Variants in TRAPPC10 observed in about 807,000 individuals in gnomAD.
TRAPPC10 encodes the protein trafficking protein particle complex subunit 10, also known as TRAPP 130 kDa subunit.
In TRAPPC10, 23 loss-of-function variants were observed where a neutral mutation model predicts 125.5. That is an observed-to-expected ratio of 0.18 (90% confidence interval 0.13 to 0.26). TRAPPC10 has a LOEUF of 0.26. Among genes scored for constraint, TRAPPC10 ranks in the 10% least tolerant of loss-of-function variants. TRAPPC10 has a pLI of 1.00. For synonymous variants in TRAPPC10, 509 were observed against 518.0 expected, an observed-to-expected ratio of 0.98 and a Z score of 0.24; for missense variants, 1,123 against 1,308.4, an observed-to-expected ratio of 0.86 and a Z score of 2.19.
At chr21:44,077,624 GT>G in intron 10 of TRAPPC10, 68 bp from the exon 11 acceptor site, 1 of 1,193,066 alleles carries the variant, frequency 8.4e-7, no homozygotes, top group South Asian at 1.3e-5. Context: ...TGAGCTTTAG[GT>G]GAATAAATGT....
At position 44,059,504 on chromosome 21, in the gene TRAPPC10, G is replaced by T; in HGVS notation, c.790+290G>T. ...TTCCACAACTCAGTGGCCTGCTGGT[G>T]ATGCTTCGATTCTGTCCCTCGTTAG... On this transcript the variant is annotated intron_variant, in intron 6 of 22. Coordinates refer to ENST00000291574, the MANE Select transcript of TRAPPC10 (RefSeq NM_003274.5). The surrounding 1 kb of genome is among the most constrained non-coding windows in gnomAD (Gnocchi z 4.4). 2.6e-6 allele frequency: 2 copies of T among 756,772 alleles called. No homozygotes were observed. The highest frequency in any genetic ancestry group is 1.8e-5 in the Admixed American group (1 of 56,144). 46.9% of individuals were successfully genotyped at this position (756,772 alleles called of 1,614,324 possible). A position where few individuals can be genotyped will look rare whatever the true frequency, so the allele number is the denominator to read the frequency against.
Position 44,077,685 on chromosome 21 carries a change from C to T in TRAPPC10, c.1378-8C>T, listed in dbSNP as rs774644848. The T allele has an allele frequency of 6.9e-6, 11 of 1,590,166 alleles. No individual in the cohort carries two copies. Among genetic ancestry groups the T allele is most frequent in the South Asian group, 6.8e-5 (6 of 87,946 alleles). On this transcript the variant is annotated splice_polypyrimidine_tract_variant and splice_region_variant and intron_variant, in intron 10 of 22. Coordinates refer to ENST00000291574, the MANE Select transcript of TRAPPC10 (RefSeq NM_003274.5). ...CAAGTACATAATTGTGTTTTTACTT[C>T]CCCACAGGATTTGTCCCATGCCACC... is the stretch of plus-strand genomic sequence containing the variant.
At chr21:44,014,066 T>C (rs1216536017) in intron 1 of TRAPPC10, among the ~76,000 whole-genome samples, 1 of 152,218 alleles carries the variant, frequency 6.6e-6, no homozygotes, top group Non-Finnish European at 1.5e-5. Context: ...TGGATACACA[T>C]TCATTGCCTG....
chr21:44,025,309 G>A (rs567158346), intron 1 of TRAPPC10, among the ~76,000 whole-genome samples: 1 of 152,312 alleles, frequency 6.6e-6, no homozygotes, highest in South Asian at 2.1e-4. Context: ...GGAAGTCTGG[G>A]GAAAGACCAG....
intron 3 of TRAPPC10, among the ~76,000 whole-genome samples, chr21:44,043,724 C>T (rs1416883037): frequency 6.6e-6 from 1 of 152,122 alleles, no homozygotes; most frequent in Non-Finnish European, 1.5e-5. Context: ...CTGGGTGGGC[C>T]TCTGACTGTG....
intron 3 of TRAPPC10, among the ~76,000 whole-genome samples, chr21:44,044,807 G>A (rs904813163): frequency 1.1e-4 from 16 of 151,844 alleles, no homozygotes; most frequent in African/African-American, 3.6e-4. Flanking sequence ...GAGATTACAG[G>A]CGTCTGCCAC....
chr21:44,048,133 A>G (rs753083167), intron 3 of TRAPPC10, among the ~76,000 whole-genome samples: 2 of 152,146 alleles, frequency 1.3e-5, no homozygotes, highest in Admixed American at 6.6e-5. Context: ...TGTTCCAGCA[A>G]TGGGTGGTTC....
intron 1 of TRAPPC10, among the ~76,000 whole-genome samples, chr21:44,020,574 C>T (rs527919436): frequency 6.6e-6 from 1 of 151,804 alleles, no homozygotes; most frequent in Non-Finnish European, 1.5e-5. Flanking sequence ...TTTGAGGCTG[C>T]GGTGAGCCAT....
chr21:44,053,106 T>C (rs919450386), intron 4 of TRAPPC10, among the ~76,000 whole-genome samples: 2 of 152,106 alleles, frequency 1.3e-5, no homozygotes, highest in Non-Finnish European at 2.9e-5. Flanking sequence ...GGCCTGGGGA[T>C]TCAGGGGCGA....
At chr21:44,092,088 G>T in intron 19 of TRAPPC10, 39 bp downstream of exon 19, 2 of 1,608,578 alleles carry the variant, frequency 1.2e-6, no homozygotes, top group Non-Finnish European at 1.7e-6. Context: ...CTTCTCAACA[G>T]AGAACCAGAG....
At chr21:44,033,508 A>G (rs565000580) in intron 2 of TRAPPC10, among the ~76,000 whole-genome samples, 200 of 152,280 alleles carry the variant, frequency 1.3e-3, no homozygotes, top group African/African-American at 4.1e-3. Context: ...TCTGATAGAT[A>G]AAGGGAAAAA....
In TRAPPC10 at chr21:44,074,458, T is replaced by C; in HGVS notation, c.1173T>C (p.Tyr391=). The C allele has an allele frequency of 6.2e-7, 1 of 1,614,222 alleles. No individual in the cohort carries two copies. The highest frequency in any genetic ancestry group is 1.1e-5 in the South Asian group (1 of 91,084). Residue 391 remains tyrosine, a synonymous_variant, in exon 8 of 23, where the codon TAT becomes TAC. Coordinates refer to ENST00000291574, the MANE Select transcript of TRAPPC10 (RefSeq NM_003274.5). ...CCCACACTGTGGGGCTATGGAGCTA[T>C]GCCACAGAAAAGGTGCCTACCTGCC... ...NIAHTVGLWS[Y]ATEKLKSLGY... is the part of the protein sequence containing the mutation.
chr21:44,019,702 C>G (rs542438711), intron 1 of TRAPPC10, among the ~76,000 whole-genome samples: 1 of 152,286 alleles, frequency 6.6e-6, no homozygotes, highest in East Asian at 1.9e-4. Context: ...ACAAAGACCC[C>G]TTTCCCAAAT....
At chr21:44,025,876 G>A (rs2033013447) in intron 1 of TRAPPC10, among the ~76,000 whole-genome samples, 2 of 112,218 alleles carry the variant, frequency 1.8e-5, no homozygotes, top group Non-Finnish European at 3.8e-5. Flanking sequence ...GTGTGTGTGT[G>A]TGTGTCAGAG....
chr21:44,087,105 C>T lies in TRAPPC10; in HGVS notation c.2539+145C>T. 1 of 896,574 alleles carries T rather than the reference C, an allele frequency of 1.1e-6. No individual in the cohort carries two copies. 55.5% of individuals were successfully genotyped at this position (896,574 alleles called of 1,614,324 possible). On this transcript the variant is annotated intron_variant, in intron 16 of 22. Transcript: ENST00000291574. This position sits in a 1 kb window ranked among gnomAD's most constrained non-coding sequence, Gnocchi z 4.6. ...TCCGTGTTCCATAGGAGCCCTGCGG[C>T]CTGATGCCTGTGCTGGGGTCCCATC... is the stretch of plus-strand genomic sequence containing the variant.
In TRAPPC10 at chr21:44,063,059, G is replaced by C. The variant is rs1429114750; in HGVS notation, c.791-479G>C. 1 of 1,304,356 alleles carries C rather than the reference G, an allele frequency of 7.7e-7. No individual in the cohort carries two copies. The highest frequency in any genetic ancestry group is 2.3e-5 in the Admixed American group (1 of 43,556). 80.8% of individuals were successfully genotyped at this position (1,304,356 alleles called of 1,614,324 possible). A position where few individuals can be genotyped will look rare whatever the true frequency, so the allele number is the denominator to read the frequency against. Reference sequence around the variant, plus strand: ...TCCCTGTCCCTTCCTCCAGGAGCTTGACTCAGGGACGTGACGTGGTTGAGT... The same window carrying C: ...TCCCTGTCCCTTCCTCCAGGAGCTTCACTCAGGGACGTGACGTGGTTGAGT... On this transcript the variant is annotated intron_variant, in intron 6 of 22. Coordinates refer to ENST00000291574, the MANE Select transcript of TRAPPC10 (RefSeq NM_003274.5). The surrounding 1 kb of genome is among the most constrained non-coding windows in gnomAD (Gnocchi z 4.4).
chr21:44,063,233 G>A lies in TRAPPC10; in HGVS notation c.791-305G>A. 4.0e-6 allele frequency: 5 copies of A among 1,262,988 alleles called. No individual in the cohort carries two copies. The highest frequency in any genetic ancestry group is 5.1e-6 in the Non-Finnish European group (5 of 987,548). 78.2% of individuals were successfully genotyped at this position (1,262,988 alleles called of 1,614,324 possible). ...TAGAGCCCTCCCTCGGCCTGAGACA[G>A]AGCCTGAGCTCCCCTAACCATGTAG... On this transcript the variant is annotated intron_variant, in intron 6 of 22. Coordinates refer to ENST00000291574, the MANE Select transcript of TRAPPC10 (RefSeq NM_003274.5). The surrounding 1 kb of genome is among the most constrained non-coding windows in gnomAD (Gnocchi z 4.4).
chr21:44,036,972 G>A (rs1326316236), intron 2 of TRAPPC10, among the ~76,000 whole-genome samples: 1 of 152,152 alleles, frequency 6.6e-6, no homozygotes, highest in African/African-American at 2.4e-5. Context: ...TCTCCCAAAG[G>A]ACAGGGGAAA....
intron 18 of TRAPPC10, among the ~76,000 whole-genome samples, chr21:44,091,146 G>A (rs907783901): frequency 4.3e-4 from 65 of 152,280 alleles, no homozygotes; most frequent in Non-Finnish European, 8.2e-4. Flanking sequence ...AGCTGAGATC[G>A]TGCCATTGCA....
Sources: gnomAD v4.1 joint callset for allele counts (sites outside exome capture counted in the v4.1 genomes callset) on GRCh38, gnomAD v4.1.1 for gene constraint, Gnocchi (gnomAD v3.1) non-coding constraint, MANE v1.5 for transcripts, NCBI Gene and HGNC (gene_info 2026-07-23, HGNC 2026-07-21) for gene names.